KCNAB2: variants seen among roughly 807,000 people sequenced by gnomAD.
The protein encoded by KCNAB2 is voltage-gated potassium channel subunit beta-2.
A neutral mutation model predicts 63.6 loss-of-function variants in KCNAB2; 29 were observed. That is an observed-to-expected ratio of 0.46 (90% CI 0.34 to 0.62). The LOEUF (loss-of-function observed/expected upper bound fraction) is 0.62. Among genes scored for constraint, KCNAB2 ranks in the 20% least tolerant of loss-of-function variants. The probability of loss-of-function intolerance (pLI) is 0.01; values close to 1 mark genes in which losing one functional copy is unlikely to be tolerated. For synonymous variants in KCNAB2, 222 were observed against 224.2 expected (o/e 0.99, Z 0.09); for missense variants, 359 against 563.9 (o/e 0.64, Z 3.68).
intron 2 of KCNAB2, chr1:6,040,752 A>G (rs1048636315): frequency 4.5e-6 from 3 of 668,366 alleles, no homozygotes; most frequent in Non-Finnish European, 2.6e-6. Flanking sequence ...GGGCCCAAGC[A>G]GGGCCCACAG....
upstream of KCNAB2, among the ~76,000 whole-genome samples, chr1:6,030,417 G>A (rs899953187): frequency 1.6e-4 from 24 of 152,148 alleles, no homozygotes; most frequent in African/African-American, 5.8e-4. Flanking sequence ...TGGTTGCACA[G>A]GAGCGCAAGG....
chr1:6,051,579 A>G lies in KCNAB2; in HGVS notation c.43A>G (p.Ser15Gly), dbSNP rs1319104237. 4 of 1,534,288 alleles carry G rather than the reference A, an allele frequency of 2.6e-6. No homozygotes were observed. The highest frequency in any genetic ancestry group is 3.5e-6 in the Non-Finnish European group (4 of 1,145,978). Residue 15 changes from serine (S) to glycine (G), a missense_variant, in exon 2 of 16, where the codon AGC (serine) becomes GGC (glycine). Ser to Gly is a moderately conservative substitution (Grantham distance 56). This residue lies in a region of KCNAB2 where 88 missense variants were observed against 87.8 expected (regional missense o/e 1.00). Coordinates refer to ENST00000378083, the MANE Select transcript of KCNAB2 (RefSeq NM_001199862.2). Reference sequence around the variant, plus strand: ...CAGCGAGAGTCTGCGGAGCGTGAGCAGCAGGTGCCACTCTGAATGGGCCCT... The same window carrying G: ...CAGCGAGAGTCTGCGGAGCGTGAGCGGCAGGTGCCACTCTGAATGGGCCCT... ...TYSESLRSVS[S>G]RCHSEWALHP...
At chr1:6,043,413 C>A (rs1023656511), upstream of KCNAB2, among the ~76,000 whole-genome samples, 7 of 152,128 alleles carry the variant, frequency 4.6e-5, no homozygotes, top group Non-Finnish European at 7.4e-5. Flanking sequence ...ACATGTTGTC[C>A]CCCCCGCCGG....
Position 6,096,761 on chromosome 1 carries a change from CG to C in KCNAB2, c.1069+7del, listed in dbSNP as rs776603861. On this transcript the variant is annotated splice_donor_region_variant and intron_variant, in intron 14 of 15. Transcript: ENST00000378083. This position sits in a 1 kb window ranked among gnomAD's most constrained non-coding sequence, Gnocchi z 5.9. ...CCCTGCCCCAGCTGGCCATAGGTAA[CG>C]GTGGGGTCGCCATGGGGCCAGTGCC... 3.3e-5 allele frequency: 51 copies of C among 1,566,866 alleles called. No individual in the cohort carries two copies. The highest frequency in any genetic ancestry group is 1.3e-4 in the Admixed American group (7 of 53,394).
intron 1 of KCNAB2, among the ~76,000 whole-genome samples, chr1:6,014,767 G>A (rs996014150): frequency 6.6e-6 from 1 of 152,150 alleles, no homozygotes; most frequent in Admixed American, 6.5e-5. Flanking sequence ...TCCTCCTCCC[G>A]TCACCCTCGC....
Position 6,089,991 on chromosome 1 carries a change from C to T in KCNAB2, c.515-398C>T, listed in dbSNP as rs527258890. On this transcript the variant is annotated intron_variant, in intron 8 of 15. Transcript: ENST00000378083. Reference sequence around the variant, plus strand: ...TGCTGGGATTACAGGCATGGGCCACCACGCCCGACCATAGACACTATTGCC... The same window carrying T: ...TGCTGGGATTACAGGCATGGGCCACTACGCCCGACCATAGACACTATTGCC... Among the ~76,000 whole-genome samples, 26 of 152,372 alleles carry T rather than the reference C, an allele frequency of 1.7e-4. No individual in the cohort carries two copies. In the South Asian group the frequency reaches 5.4e-3, roughly 32 times the overall value.
At chr1:6,040,607 C>T (rs749935103) in exon 2 of KCNAB2, 6 of 1,614,048 alleles carry the variant, frequency 3.7e-6, no homozygotes, top group Admixed American at 1.7e-5. Context: ...CGGCTCGGCT[C>T]TCGCTGCGGC....
At chr1:6,090,510 T>C in intron 9 of KCNAB2, 35 bp downstream of exon 9, 2 of 1,555,380 alleles carry the variant, frequency 1.3e-6, no homozygotes, top group Non-Finnish European at 1.8e-6. Flanking sequence ...CGGTTAGGCC[T>C]GGGCGGGGTC....
In KCNAB2 at chr1:6,099,913, G is replaced by A. The variant is rs1201439252; in HGVS notation, c.*1339G>A. 1.3e-5 allele frequency: 20 copies of A among 1,550,246 alleles called. No homozygotes were observed. The highest frequency in any genetic ancestry group is 5.9e-5 in the Admixed American group (3 of 50,968). On this transcript the variant is annotated 3_prime_UTR_variant, in exon 16 of 16. Transcript: ENST00000378083. ...GGGATGCCAGTAAGTCTGCAGGTGC[G>A]GGGTGCCACCTACAGGCCCAGGCCT...
rs561769156 is a variant in KCNAB2 at position 6,100,203 on chromosome 1, G to A, written c.*1629G>A. The A allele has an allele frequency of 5.8e-5, 60 of 1,042,446 alleles. No homozygotes were observed. The East Asian group carries it at 9.2e-4, about 16-fold the overall frequency. 64.6% of individuals were successfully genotyped at this position (1,042,446 alleles called of 1,614,324 possible). The stretch of plus-strand genomic sequence containing the variant: ...AACTGTGAAAGTCAGAAAGGCCAGC[G>A]GGGAGAGGCTGGGGCGAGGGGAGGA... On this transcript the variant is annotated 3_prime_UTR_variant, in exon 16 of 16. Transcript: ENST00000378083.
chr1:6,084,219 A>G (rs1276519373), intron 5 of KCNAB2, among the ~76,000 whole-genome samples: 1 of 152,212 alleles, frequency 6.6e-6, no homozygotes. Flanking sequence ...AAAGTTCTTC[A>G]AAGTTAATCC....
chr1:6,020,769 T>C (rs1352073960), intron 1 of KCNAB2, among the ~76,000 whole-genome samples: 1 of 152,186 alleles, frequency 6.6e-6, no homozygotes, highest in Non-Finnish European at 1.5e-5. Flanking sequence ...TGGATTCAAG[T>C]GATTCTCTTG....
At chr1:6,001,476 A>G (rs558742835) in intron 1 of KCNAB2, among the ~76,000 whole-genome samples, 4 of 152,192 alleles carry the variant, frequency 2.6e-5, no homozygotes, top group African/African-American at 7.2e-5. Flanking sequence ...CCCTCTAGCA[A>G]CCTGATAATC....
intron 2 of KCNAB2, among the ~76,000 whole-genome samples, chr1:6,052,385 C>T (rs1340133320): frequency 6.6e-6 from 1 of 151,880 alleles, no homozygotes; most frequent in Non-Finnish European, 1.5e-5. Flanking sequence ...GTGATCGCAC[C>T]ACTGCACTCC....
Position 6,096,464 on chromosome 1 carries a change from T to A in KCNAB2, c.949-172T>A. On this transcript the variant is annotated intron_variant, in intron 13 of 15. Transcript: ENST00000378083. The surrounding 1 kb of genome is among the most constrained non-coding windows in gnomAD (Gnocchi z 5.9). ...AGCCCGTGCCCGGCCCACTGCCCAC[T>A]CTCCCCTACTTGAGAGGCCTGGGGC... 1.1e-6 allele frequency: 1 copy of A among 870,018 alleles called. No individual in the cohort carries two copies. Among genetic ancestry groups the A allele is most frequent in the Non-Finnish European group, 1.7e-6 (1 of 574,674 alleles). 53.9% of individuals were successfully genotyped at this position (870,018 alleles called of 1,614,324 possible). A position where few individuals can be genotyped will look rare whatever the true frequency, so the allele number is the denominator to read the frequency against.
At chr1:6,018,251 A>G (rs989726431) in intron 1 of KCNAB2, among the ~76,000 whole-genome samples, 2 of 152,186 alleles carry the variant, frequency 1.3e-5, no homozygotes, top group Non-Finnish European at 1.5e-5. Flanking sequence ...AAATGTTTTC[A>G]TAGAGGACCA....
intron 1 of KCNAB2, among the ~76,000 whole-genome samples, chr1:6,008,944 G>T (rs1228431859): frequency 6.6e-6 from 1 of 152,216 alleles, no homozygotes; most frequent in Non-Finnish European, 1.5e-5. Flanking sequence ...CCATTCCTCT[G>T]GGAGCAGCCT....
chr1:6,042,482 AG>A (rs1349601262), upstream of KCNAB2, among the ~76,000 whole-genome samples: 4 of 152,198 alleles, frequency 2.6e-5, no homozygotes, highest in Non-Finnish European at 5.9e-5. Context: ...AGGGCCCTGC[AG>A]GGTGCTCTTG....
chr1:6,082,138 C>A, intron 4 of KCNAB2, 57 bp from the exon 5 acceptor site: 1 of 1,477,964 alleles, frequency 6.8e-7, no homozygotes, highest in Non-Finnish European at 9.5e-7. Flanking sequence ...GGTGGTGCTC[C>A]AGAGCCTCTG....
Sources: gnomAD v4.1 joint callset for allele counts (sites outside exome capture counted in the v4.1 genomes callset) on GRCh38, gnomAD v4.1.1 for gene constraint, gnomAD v4.1.1 regional missense constraint, Gnocchi (gnomAD v3.1) non-coding constraint, MANE v1.5 for transcripts, NCBI Gene and HGNC (gene_info 2026-07-23, HGNC 2026-07-21) for gene names.